CEP192: variants seen among roughly 807,000 people sequenced by gnomAD.
The protein encoded by CEP192 is centrosomal protein of 192 kDa.
Under a neutral mutation model 271.8 loss-of-function variants are expected in CEP192, and 151 were observed. That is an observed-to-expected ratio of 0.56 (90% CI 0.49 to 0.64). The LOEUF (loss-of-function observed/expected upper bound fraction) is 0.64. Ranked by LOEUF, CEP192 falls within the 30% of genes least tolerant of loss-of-function variation. The pLI is 0.00. For synonymous variants in CEP192, 995 were observed against 1,076.5 expected (o/e 0.92, Z 1.48); for missense variants, 2,910 against 3,020.5 (o/e 0.96, Z 0.86).
chr18:13,043,170 T>A (rs2036300214), intron 15 of CEP192, among the ~76,000 whole-genome samples: 1 of 152,242 alleles, frequency 6.6e-6, no homozygotes, highest in African/African-American at 2.4e-5. Context: ...TGTTTGCTGG[T>A]CATTAGGAGG....
rs779914391 is a variant in CEP192, at chr18:13,089,467, A to G, written c.6005A>G (p.His2002Arg). ...SRQQYRRALL[H>R]KPEMIKQILP... The stretch of plus-strand genomic sequence containing the variant: ...ATCTCTCCTGGCAGGGCCCTGTTAC[A>G]TAAACCAGAGATGATAAAACAGATA... The change falls in exon 33 of 45, where the codon CAT becomes CGT. Residue 2002 changes from histidine to arginine, a missense_variant. Transcript: ENST00000506447. 12 of 1,572,382 alleles carry G rather than the reference A, an allele frequency of 7.6e-6. No individual in the cohort carries two copies. The highest frequency in any genetic ancestry group is 3.7e-5 in the Admixed American group (2 of 53,390).
rs1367646649 is a variant in CEP192 at position 13,029,973 on chromosome 18, G to C, written c.1361G>C (p.Cys454Ser). Residue 454 changes from cysteine to serine, a missense_variant, in exon 10 of 45, where the codon TGT becomes TCT. Physicochemically the swap from Cys to Ser is moderately radical, Grantham distance 112 (BLOSUM62 -1). Coordinates refer to ENST00000506447, the MANE Select transcript of CEP192 (RefSeq NM_032142.4). Reference sequence around the variant, plus strand: ...ACTTGTGAAAGGCGAACATGTGAATGTCACGAGTCCATCGAAAAGAATAAA... The same window carrying C: ...ACTTGTGAAAGGCGAACATGTGAATCTCACGAGTCCATCGAAAAGAATAAA... ...SPTCERRTCE[C>S]HESIEKNKDK... 6.4e-7 allele frequency: 1 copy of C among 1,550,518 alleles called. No homozygotes were observed. The highest frequency in any genetic ancestry group is 8.7e-7 in the Non-Finnish European group (1 of 1,146,080).
intron 36 of CEP192, among the ~76,000 whole-genome samples, chr18:13,097,230 G>T (rs1249079489): frequency 6.6e-6 from 1 of 152,124 alleles, no homozygotes; most frequent in Non-Finnish European, 1.5e-5. Context: ...AGCCCCATGG[G>T]TTTAGCAGGG....
intron 30 of CEP192, among the ~76,000 whole-genome samples, chr18:13,073,770 T>C (rs2038131736): frequency 6.6e-6 from 1 of 152,188 alleles, no homozygotes; most frequent in Non-Finnish European, 1.5e-5. Flanking sequence ...AGCCCGTGCA[T>C]GGGGCTGGAG....
chr18:13,071,724 G>GA (rs2038024400), intron 28 of CEP192, among the ~76,000 whole-genome samples: 1 of 151,074 alleles, frequency 6.6e-6, no homozygotes, highest in South Asian at 2.1e-4. Flanking sequence ...GTTTGTTGTT[G>GA]TTTTTTTTTG....
Position 13,103,698 on chromosome 18 carries a change from T to C in CEP192, c.6951+110T>C, listed in dbSNP as rs570190518. On this transcript the variant is annotated intron_variant, in intron 39 of 44. Transcript: ENST00000506447. ...TGATATTACTGGTTATTTGCTTGTT[T>C]GTTTTCTGAGACAAAAAAGTCTTGC... is the stretch of plus-strand genomic sequence containing the variant. 457 of 936,166 alleles carry C rather than the reference T, an allele frequency of 4.9e-4. 1 individual carries two copies. The highest frequency in any genetic ancestry group is 7.0e-4 in the Non-Finnish European group (410 of 582,448). The allele number at this position is 936,166 out of a possible 1,614,324, so 58.0% of individuals were successfully genotyped here.
At chr18:13,045,786 T>G (rs1347439595) in intron 15 of CEP192, among the ~76,000 whole-genome samples, 1 of 152,246 alleles carries the variant, frequency 6.6e-6, no homozygotes, top group African/African-American at 2.4e-5. Context: ...ATCAAATCCT[T>G]TATTGAGCAT....
At chr18:13,046,936 T>C (rs1197227150) in intron 15 of CEP192, among the ~76,000 whole-genome samples, 1 of 152,048 alleles carries the variant, frequency 6.6e-6, no homozygotes, top group East Asian at 1.9e-4. Context: ...TTTTGCTTGC[T>C]ATAGAATTGT....
intron 18 of CEP192, 21 bp downstream of exon 18, chr18:13,053,111 T>G (rs1463173337): frequency 1.3e-6 from 2 of 1,582,402 alleles, no homozygotes; most frequent in African/African-American, 2.7e-5. Flanking sequence ...ACTTGGATTA[T>G]TTATTACTAA....
chr18:13,022,182 A>AT (rs1240763313), intron 9 of CEP192, among the ~76,000 whole-genome samples: 1 of 151,466 alleles, frequency 6.6e-6, no homozygotes, highest in African/African-American at 2.4e-5. Context: ...GTTTGACTAT[A>AT]TTTATGTGGG....
At chr18:13,072,707 C>T in intron 28 of CEP192, 48 bp from the exon 29 acceptor site, 1 of 1,232,006 alleles carries the variant, frequency 8.1e-7, no homozygotes, top group Non-Finnish European at 1.2e-6. Flanking sequence ...ATAATGGTAG[C>T]AATATCCATG....
chr18:13,029,084 C>T (rs2035470764), intron 9 of CEP192, among the ~76,000 whole-genome samples: 1 of 152,168 alleles, frequency 6.6e-6, no homozygotes, highest in South Asian at 2.1e-4. Context: ...GTACTGAAGA[C>T]ACTTGAGCCC....
intron 26 of CEP192, 77 bp from the exon 27 acceptor site, chr18:13,069,661 C>T (rs1446621230): frequency 1.0e-5 from 8 of 792,598 alleles, no homozygotes; most frequent in South Asian, 3.0e-5. Flanking sequence ...GAGAAACGCA[C>T]GTAAGGCAGG....
intron 9 of CEP192, chr18:13,024,267 C>T: frequency 2.2e-6 from 1 of 454,282 alleles, no homozygotes; most frequent in South Asian, 1.6e-5. Context: ...TGATAACTTT[C>T]CCTACTTTGA....
At chr18:13,062,638 G>C (rs906066094) in intron 21 of CEP192, among the ~76,000 whole-genome samples, 1 of 151,226 alleles carries the variant, frequency 6.6e-6, no homozygotes, top group African/African-American at 2.4e-5. Context: ...TATATTTATG[G>C]GGTACATGAG....
At chr18:13,042,051 A>G (rs1238577305) in intron 14 of CEP192, among the ~76,000 whole-genome samples, 153 bp from the exon 15 acceptor site, 1 of 152,256 alleles carries the variant, frequency 6.6e-6, no homozygotes, top group Non-Finnish European at 1.5e-5. Context: ...CCAAGTGACT[A>G]TACGTTTAAA....
chr18:13,099,060 A>G lies in CEP192; in HGVS notation c.6558-416A>G, dbSNP rs554116879. On this transcript the variant is annotated intron_variant, in intron 36 of 44. Transcript: ENST00000506447. ...TCAGGCGTGGCAGCGCGCGCCTGCAATCGCAGGCACTCGGCAGGCTGAGGC... is the reference window on the plus strand; with the variant it reads ...TCAGGCGTGGCAGCGCGCGCCTGCAGTCGCAGGCACTCGGCAGGCTGAGGC... Among the ~76,000 whole-genome samples, 862 of 152,076 alleles carry G rather than the reference A, an allele frequency of 5.7e-3. 13 individuals carry two copies. The highest frequency in any genetic ancestry group is 0.02 in the African/African-American group (823 of 41,476).
At chr18:13,031,742 G>A (rs891582460) in intron 11 of CEP192, among the ~76,000 whole-genome samples, 4 of 152,170 alleles carry the variant, frequency 2.6e-5, no homozygotes, top group Admixed American at 1.3e-4. Context: ...GGCATCATGA[G>A]AAACTCAAAC....
intron 36 of CEP192, among the ~76,000 whole-genome samples, chr18:13,097,035 T>C (rs926785438): frequency 1.3e-5 from 2 of 152,202 alleles, no homozygotes; most frequent in African/African-American, 4.8e-5. Context: ...TTTTGCAAAA[T>C]GATATGCTAA....
Sources: allele counts gnomAD v4.1 joint callset (sites outside exome capture counted in the v4.1 genomes callset), GRCh38; gene constraint gnomAD v4.1.1; transcripts MANE v1.5; gene names NCBI Gene and HGNC (gene_info 2026-07-23, HGNC 2026-07-21).